The following LAMA3 variants were observed in gnomAD, a reference collection of about 807,000 sequenced individuals.
The protein encoded by LAMA3 is laminin subunit alpha 3, also known as laminin subunit alpha-3.
LAMA3 carries 281 observed loss-of-function variants against 402.0 expected under a neutral mutation model. That is an observed-to-expected ratio of 0.70 (90% CI 0.63 to 0.77). The LOEUF is 0.77. Ranked by LOEUF, LAMA3 falls within the 30% of genes least tolerant of loss-of-function variation. The pLI, the probability that LAMA3 is intolerant of heterozygous loss-of-function variation, is 0.00. For synonymous variants in LAMA3, 1,431 were observed against 1,558.4 expected (o/e 0.92, Z 1.93); for missense variants, 3,840 against 4,215.5 (o/e 0.91, Z 2.47).
intron 44 of LAMA3, 133 bp downstream of exon 44, chr18:23,895,191 A>G: frequency 9.9e-7 from 1 of 1,012,062 alleles, no homozygotes; most frequent in Non-Finnish European, 1.5e-6. Context: ...ATCCAAATGA[A>G]GATAAGACTT....
intron 39 of LAMA3, among the ~76,000 whole-genome samples, chr18:23,881,527 A>G (rs755789575): frequency 2.0e-5 from 3 of 152,222 alleles, no homozygotes; most frequent in African/African-American, 4.8e-5. Context: ...TCCTCCCAAC[A>G]GGCTTAGAAA....
chr18:23,825,252 A>T (rs1439612539), intron 21 of LAMA3, among the ~76,000 whole-genome samples: 2 of 152,216 alleles, frequency 1.3e-5, no homozygotes, highest in East Asian at 3.8e-4. Flanking sequence ...AGCCATGGGG[A>T]GTTGGAAGGA....
chr18:23,710,098 G>A (rs1054562178), intron 1 of LAMA3: 2 of 724,380 alleles, frequency 2.8e-6, no homozygotes, highest in East Asian at 2.6e-5. Flanking sequence ...TCCTGGGGGC[G>A]CTCTGCCGAG....
At position 23,864,641 on chromosome 18, in the gene LAMA3, C is replaced by T. The variant is rs2064307443; in HGVS notation, c.4585-144C>T. 1.2e-5 allele frequency: 8 copies of T among 683,936 alleles called. No homozygotes were observed. The South Asian group carries it at 1.2e-4, about 11-fold the overall frequency. 42.4% of individuals were successfully genotyped at this position (683,936 alleles called of 1,614,324 possible). On this transcript the variant is annotated intron_variant, in intron 35 of 74. Coordinates refer to ENST00000313654, the MANE Select transcript of LAMA3 (RefSeq NM_198129.4). ...AAAGTAGAAAAAATACCATCCTCAACCCCACCTCCTAGATACAACCCTTGT... is the reference window on the plus strand; with the variant it reads ...AAAGTAGAAAAAATACCATCCTCAATCCCACCTCCTAGATACAACCCTTGT...
intron 3 of LAMA3, 91 bp from the exon 4 acceptor site, chr18:23,749,337 G>T: frequency 2.8e-6 from 2 of 720,060 alleles, no homozygotes; most frequent in Admixed American, 5.0e-5. Flanking sequence ...CTTTCTTTGT[G>T]TATTTTCTTA....
chr18:23,790,130 G>C (rs887109876), intron 12 of LAMA3, among the ~76,000 whole-genome samples: 2 of 152,152 alleles, frequency 1.3e-5, no homozygotes, highest in Non-Finnish European at 2.9e-5. Context: ...TCTCAGCCTG[G>C]TATACAGCAG....
chr18:23,695,022 T>G (rs1220159674), intron 1 of LAMA3, among the ~76,000 whole-genome samples: 2 of 152,212 alleles, frequency 1.3e-5, no homozygotes, highest in African/African-American at 4.8e-5. Context: ...GCTGTTTGAT[T>G]TTAAAAGTAC....
At chr18:23,722,910 G>A (rs909227957) in intron 2 of LAMA3, among the ~76,000 whole-genome samples, 3 of 152,166 alleles carry the variant, frequency 2.0e-5, no homozygotes, top group African/African-American at 7.2e-5. Flanking sequence ...TTGTAAAGTC[G>A]TCAGAGGGAT....
intron 2 of LAMA3, among the ~76,000 whole-genome samples, chr18:23,725,001 A>T (rs1474777727): frequency 6.6e-6 from 1 of 151,508 alleles, no homozygotes; most frequent in Non-Finnish European, 1.5e-5. Context: ...TGTTTCTGTG[A>T]TTCCCCTCTC....
intron 62 of LAMA3, among the ~76,000 whole-genome samples, chr18:23,927,051 C>T (rs1488907586): frequency 6.6e-6 from 1 of 152,240 alleles, no homozygotes; most frequent in Non-Finnish European, 1.5e-5. Context: ...AACTTGAACC[C>T]AGGCAATTTG....
chr18:23,929,316 G>C (rs1476873964), intron 64 of LAMA3, among the ~76,000 whole-genome samples: 3 of 152,240 alleles, frequency 2.0e-5, no homozygotes, highest in Non-Finnish European at 4.4e-5. Context: ...AACTTAAGCA[G>C]ATTTAGCTAG....
intron 2 of LAMA3, among the ~76,000 whole-genome samples, chr18:23,719,468 T>A (rs976006668): frequency 5.3e-5 from 8 of 152,258 alleles, no homozygotes; most frequent in African/African-American, 1.9e-4. Context: ...TTTCTAAAGC[T>A]CCAAGGTTAA....
At chr18:23,935,247 C>T (rs1230518185) in intron 67 of LAMA3, among the ~76,000 whole-genome samples, 1 of 152,162 alleles carries the variant, frequency 6.6e-6, no homozygotes, top group Non-Finnish European at 1.5e-5. Context: ...ATGGGGATGT[C>T]CCCTCCATGG....
intron 2 of LAMA3, among the ~76,000 whole-genome samples, chr18:23,714,922 AT>A (rs2061068433): frequency 6.6e-6 from 1 of 152,072 alleles, no homozygotes; most frequent in Non-Finnish European, 1.5e-5. Context: ...ATCATATAGT[AT>A]TTGTCTTTTT....
chr18:23,888,055 G>A (rs921533278), intron 41 of LAMA3, among the ~76,000 whole-genome samples: 2 of 152,158 alleles, frequency 1.3e-5, no homozygotes, highest in Admixed American at 1.3e-4. Context: ...CTATTACATG[G>A]GAAGTTTAGA....
rs775368078 is a variant in LAMA3 at position 23,950,112 on chromosome 18, G to A, written c.9595G>A (p.Gly3199Arg). ...RSLTGILIHI[G>R]SQPGKHLCVY... ...TCTCACTGGGATCCTAATACACATCGGAAGTCAGCCCGGGAAGCACTTATG... is the reference window on the plus strand; with the variant it reads ...TCTCACTGGGATCCTAATACACATCAGAAGTCAGCCCGGGAAGCACTTATG... The change falls in exon 72 of 75, where the codon GGA becomes AGA. Residue 3199 changes from glycine (G) to arginine (R), a missense_variant. By Grantham distance (125) the Gly-to-Arg change is moderately radical. This residue lies in a region of LAMA3 where 840 missense variants were observed against 981.9 expected (regional missense o/e 0.86). Coordinates refer to ENST00000313654, the MANE Select transcript of LAMA3 (RefSeq NM_198129.4). The A allele has an allele frequency of 5.6e-6, 9 of 1,613,926 alleles. No individual in the cohort carries two copies. The Admixed American group carries it at 6.7e-5, about 12-fold the overall frequency.
intron 12 of LAMA3, 53 bp downstream of exon 12, chr18:23,784,210 C>A (rs1030039524): frequency 6.2e-7 from 1 of 1,607,192 alleles, no homozygotes; most frequent in Admixed American, 1.7e-5. Context: ...GATAAATTTC[C>A]TCCTGAGGAA....
chr18:23,771,705 G>A (rs977061262), intron 8 of LAMA3, among the ~76,000 whole-genome samples: 1 of 152,174 alleles, frequency 6.6e-6, no homozygotes, highest in Non-Finnish European at 1.5e-5. Flanking sequence ...ATTAGTGGAT[G>A]GATAGAGGAA....
chr18:23,759,597 G>C (rs1252460954), intron 7 of LAMA3, among the ~76,000 whole-genome samples: 1 of 152,144 alleles, frequency 6.6e-6, no homozygotes, highest in Non-Finnish European at 1.5e-5. Context: ...AGTAGGGATG[G>C]GGTTTCGCCA....
Sources: gnomAD v4.1 joint callset for allele counts (sites outside exome capture counted in the v4.1 genomes callset) on GRCh38, gnomAD v4.1.1 for gene constraint, gnomAD v4.1.1 regional missense constraint, MANE v1.5 for transcripts, NCBI Gene and HGNC (gene_info 2026-07-23, HGNC 2026-07-21) for gene names.